ZNF609: variants seen among roughly 807,000 people sequenced by gnomAD.
ZNF609 encodes the protein zinc finger protein 609.
ZNF609 carries 11 observed loss-of-function variants against 109.5 expected under a neutral mutation model. The observed-to-expected ratio is 0.10, with a 90% CI of 0.06 to 0.17. The LOEUF (loss-of-function observed/expected upper bound fraction) is 0.17. Ranked by LOEUF, ZNF609 falls within the 10% of genes least tolerant of loss-of-function variation. The pLI is 1.00. For missense variants in ZNF609, 1,559 were observed against 1,772.4 expected, an observed-to-expected ratio of 0.88 and a Z score of 2.16; for synonymous variants, 646 against 662.0, an observed-to-expected ratio of 0.98 and a Z score of 0.37.
At chr15:64,653,673 A>C (rs1240863253) in intron 3 of ZNF609, among the ~76,000 whole-genome samples, 7 of 152,020 alleles carry the variant, frequency 4.6e-5, no homozygotes. Flanking sequence ...TAAAAAATAA[A>C]CTTCCTGGAA....
chr15:64,519,428 A>G (rs1174779169), intron 2 of ZNF609, among the ~76,000 whole-genome samples: 2 of 152,178 alleles, frequency 1.3e-5, no homozygotes, highest in African/African-American at 4.8e-5. Context: ...GAAGGTAGCT[A>G]CCTTAGTTGG....
intron 3 of ZNF609, among the ~76,000 whole-genome samples, chr15:64,664,688 A>G (rs553287765): frequency 6.6e-6 from 1 of 152,206 alleles, no homozygotes; most frequent in East Asian, 1.9e-4. Flanking sequence ...AAACCTCATC[A>G]ATGTGTGTTT....
intron 3 of ZNF609, among the ~76,000 whole-genome samples, chr15:64,662,894 G>C (rs953725139): frequency 6.8e-6 from 1 of 147,878 alleles, no homozygotes; most frequent in South Asian, 2.2e-4. Flanking sequence ...CTTGAACTCC[G>C]GACCTAAGAT....
At chr15:64,635,721 T>C (rs1896163670) in intron 3 of ZNF609, among the ~76,000 whole-genome samples, 2 of 152,228 alleles carry the variant, frequency 1.3e-5, no homozygotes, top group Admixed American at 1.3e-4. Flanking sequence ...TTAACAAAGT[T>C]GGCAACTAGC....
At chr15:64,548,351 A>G (rs1490618589) in intron 2 of ZNF609, among the ~76,000 whole-genome samples, 8 of 152,216 alleles carry the variant, frequency 5.3e-5, no homozygotes. Flanking sequence ...ACTCGTGTAC[A>G]CTCTAACAAA....
At chr15:64,471,654 G>T (rs1042671534) in intron 1 of ZNF609, among the ~76,000 whole-genome samples, 3 of 152,128 alleles carry the variant, frequency 2.0e-5, no homozygotes, top group Non-Finnish European at 4.4e-5. Flanking sequence ...CACAGTCTTG[G>T]CTCACCGCAA....
intron 2 of ZNF609, among the ~76,000 whole-genome samples, chr15:64,549,621 A>C (rs1327160948): frequency 6.6e-6 from 1 of 152,196 alleles, no homozygotes; most frequent in East Asian, 1.9e-4. Flanking sequence ...GGCAGAGCCA[A>C]AATTCAAAGC....
chr15:64,561,585 G>C (rs1418873408), intron 2 of ZNF609, among the ~76,000 whole-genome samples: 1 of 145,938 alleles, frequency 6.9e-6, no homozygotes, highest in African/African-American at 2.5e-5. Flanking sequence ...GATTTAGATG[G>C]GGTCTGCCTG....
chr15:64,676,346 A>G (rs931933222), intron 5 of ZNF609, 90 bp downstream of exon 5: 14 of 1,248,590 alleles, frequency 1.1e-5, no homozygotes, highest in Non-Finnish European at 1.5e-5. Context: ...CAGGGGTTCA[A>G]CGGAATTGAG....
At chr15:64,620,401 A>C (rs1895858791) in intron 2 of ZNF609, among the ~76,000 whole-genome samples, 1 of 152,140 alleles carries the variant, frequency 6.6e-6, no homozygotes, top group African/African-American at 2.4e-5. Flanking sequence ...ACTGCAGAGG[A>C]GTGAGTAGGG....
intron 3 of ZNF609, among the ~76,000 whole-genome samples, chr15:64,663,708 C>T (rs1480423939): frequency 2.0e-5 from 3 of 152,056 alleles, no homozygotes; most frequent in Admixed American, 6.5e-5. Flanking sequence ...GGGAATTGGT[C>T]TGAGCATGAA....
Position 64,677,338 on chromosome 15 carries a change from A to G in ZNF609, c.3403-778A>G, listed in dbSNP as rs552308538. ...TCAGCCTCCCAAAGCACAGGGATTC[A>G]TATTAATGTTTTTTAAAAAGCACTT... On this transcript the variant is annotated intron_variant, in intron 5 of 9. Transcript: ENST00000326648. Among the ~76,000 whole-genome samples the G allele has an allele frequency of 6.6e-5, 10 of 152,282 alleles. No individual in the cohort carries two copies. The East Asian group carries it at 1.9e-3, about 29-fold the overall frequency.
In ZNF609 at chr15:64,515,572, G is replaced by A. The variant is rs10400912; in HGVS notation, c.747+15406G>A. ...ATGGATCTTCTTTTTAAAGGGGGGAGGGGTAGGATAGAGGAGACTTAAAGG... is the reference window on the plus strand; with the variant it reads ...ATGGATCTTCTTTTTAAAGGGGGGAAGGGTAGGATAGAGGAGACTTAAAGG... On this transcript the variant is annotated intron_variant, in intron 2 of 9. Coordinates refer to ENST00000326648, the MANE Select transcript of ZNF609 (RefSeq NM_015042.2). 8.8e-3 allele frequency among the ~76,000 whole-genome samples: 1,345 copies of A among 152,220 alleles called. 24 individuals are homozygous for A. The highest frequency in any genetic ancestry group is 0.031 in the African/African-American group (1,283 of 41,516).
At chr15:64,538,138 T>C (rs893867491) in intron 2 of ZNF609, among the ~76,000 whole-genome samples, 3 of 151,790 alleles carry the variant, frequency 2.0e-5, no homozygotes, top group African/African-American at 7.3e-5. Context: ...AAAATGTATA[T>C]CCTAGGATGT....
intron 2 of ZNF609, among the ~76,000 whole-genome samples, chr15:64,521,575 A>G (rs563922117): frequency 6.4e-4 from 97 of 152,334 alleles, no homozygotes; most frequent in African/African-American, 2.3e-3. Context: ...ACAGCCTATT[A>G]ATATTCTGCT....
intron 2 of ZNF609, among the ~76,000 whole-genome samples, chr15:64,505,863 C>T (rs961938896): frequency 2.6e-5 from 4 of 152,062 alleles, no homozygotes; most frequent in Admixed American, 1.3e-4. Flanking sequence ...TGGCTAAAAG[C>T]GTAAACTCTA....
Position 64,549,246 on chromosome 15 carries a change from A to G in ZNF609, c.747+49080A>G, listed in dbSNP as rs1438560156. Among the ~76,000 whole-genome samples the G allele has an allele frequency of 5.3e-5, 8 of 152,250 alleles. No homozygotes were observed. The East Asian group carries it at 1.3e-3, about 26-fold the overall frequency. On this transcript the variant is annotated intron_variant, in intron 2 of 9. Coordinates refer to ENST00000326648, the MANE Select transcript of ZNF609 (RefSeq NM_015042.2). ...GCTCTTGTAGTCCAAGCTGGAGTGC[A>G]ATGGCGCAATCTTGGCTTACCACAA... is the stretch of plus-strand genomic sequence containing the variant.
intron 3 of ZNF609, among the ~76,000 whole-genome samples, chr15:64,651,684 T>G (rs926938676): frequency 2.6e-5 from 4 of 152,368 alleles, no homozygotes; most frequent in African/African-American, 4.8e-5. Flanking sequence ...TGACAGGAGC[T>G]GTCAGGAGGA....
chr15:64,666,174 G>A lies in ZNF609; in HGVS notation c.974-4172G>A, dbSNP rs148966136. Reference sequence around the variant, plus strand: ...TTTGGGAGACCAAGTTGGGTGGATCGCTTGGGGCCAGGAGTTCAAAACCAG... The same window carrying A: ...TTTGGGAGACCAAGTTGGGTGGATCACTTGGGGCCAGGAGTTCAAAACCAG... On this transcript the variant is annotated intron_variant, in intron 3 of 9. Transcript: ENST00000326648. Among the ~76,000 whole-genome samples the A allele has an allele frequency of 5.7e-3, 862 of 151,822 alleles. 12 individuals are homozygous for A. Among genetic ancestry groups the A allele is most frequent in the African/African-American group, 0.02 (825 of 41,466 alleles).
Sources: allele counts gnomAD v4.1 joint callset (sites outside exome capture counted in the v4.1 genomes callset), GRCh38; gene constraint gnomAD v4.1.1; transcripts MANE v1.5; gene names NCBI Gene and HGNC (gene_info 2026-07-23, HGNC 2026-07-21).